SBF1: variants seen among roughly 807,000 people sequenced by gnomAD.
SBF1 encodes myotubularin-related protein 5.
Under a neutral mutation model 215.8 loss-of-function variants are expected in SBF1, and 65 were observed. The observed-to-expected ratio is 0.30, with a 90% CI of 0.25 to 0.37. The LOEUF (loss-of-function observed/expected upper bound fraction) is 0.37, where lower values mean the gene tolerates loss of function less well. Ranked by LOEUF, SBF1 falls within the 10% of genes least tolerant of loss-of-function variation. The probability of loss-of-function intolerance (pLI) is 1.00; values close to 1 mark genes in which losing one functional copy is unlikely to be tolerated. For synonymous variants in SBF1, 1,410 were observed against 1,122.8 expected, an observed-to-expected ratio of 1.26 and a Z score of -5.11; for missense variants, 2,634 against 2,667.8, an observed-to-expected ratio of 0.99 and a Z score of 0.28.
intron 2 of SBF1, 83 bp downstream of exon 2, chr22:50,468,293 C>A (rs928072146): frequency 2.3e-6 from 3 of 1,310,688 alleles, no homozygotes; most frequent in South Asian, 2.5e-5. Flanking sequence ...ACTGTGGAGG[C>A]CCCTCAGTCA....
At position 50,460,026 on chromosome 22, in the gene SBF1, G is replaced by A. The variant is rs772746655; in HGVS notation, c.3417C>T (p.Ser1139=). The A allele has an allele frequency of 6.2e-7, 1 of 1,614,006 alleles. No individual in the cohort carries two copies. The highest frequency in any genetic ancestry group is 2.2e-5 in the East Asian group (1 of 44,884). The change falls in exon 26 of 41, where the codon AGC becomes AGT. Residue 1139 remains serine, a synonymous_variant. Transcript: ENST00000380817. Reference sequence around the variant, plus strand: ...CAGACTTGGCCCGGCTCAGGCTGCTGCTCAGGGTGCCCAGACCGAGGCGCT... The same window carrying A: ...CAGACTTGGCCCGGCTCAGGCTGCTACTCAGGGTGCCCAGACCGAGGCGCT... ...DYQRLGLGTL[S]SSLSRAKSEP...
intron 28 of SBF1, among the ~76,000 whole-genome samples, 183 bp downstream of exon 28, chr22:50,459,055 CTGGTCTGGGCACACACT>C (rs1033446924): frequency 6.6e-6 from 1 of 152,182 alleles, no homozygotes; most frequent in East Asian, 1.9e-4. Context: ...GGGCACACAC[CTGGTCTGGGCACACACT>C]TGGTCTGGAC....
intron 36 of SBF1, among the ~76,000 whole-genome samples, chr22:50,453,743 C>T (rs956706903): frequency 3.9e-5 from 6 of 151,982 alleles, no homozygotes; most frequent in African/African-American, 1.2e-4. Context: ...GCGGAGATCG[C>T]GCCACTACAC....
chr22:50,471,861 G>C (rs2068007919), intron 1 of SBF1, among the ~76,000 whole-genome samples: 1 of 152,202 alleles, frequency 6.6e-6, no homozygotes, highest in African/African-American at 2.4e-5. Flanking sequence ...AATGCAGCCA[G>C]CACATCACAG....
Position 50,454,750 on chromosome 22 carries a change from T to C in SBF1, c.4813-8A>G, listed in dbSNP as rs930708287. The C allele has an allele frequency of 6.3e-7, 1 of 1,586,444 alleles. No individual in the cohort carries two copies. ...GCTGTAGGGCCGCAGGACCTGAGGG[T>C]GGGCCTGTGGTTGAGGACCTGGGTC... On this transcript the variant is annotated splice_region_variant and splice_polypyrimidine_tract_variant and intron_variant, in intron 35 of 40. Coordinates refer to ENST00000380817, the MANE Select transcript of SBF1 (RefSeq NM_002972.4).
intron 28 of SBF1, 70 bp downstream of exon 28, chr22:50,459,185 C>A: frequency 6.5e-7 from 1 of 1,534,982 alleles, no homozygotes; most frequent in Non-Finnish European, 8.8e-7. Context: ...GGCCTGCCTG[C>A]CAAACCATAA....
chr22:50,467,496 C>G (rs1569514067), intron 4 of SBF1, 36 bp downstream of exon 4: 1 of 1,613,746 alleles, frequency 6.2e-7, no homozygotes. Flanking sequence ...TGGAAGCACC[C>G]TCGTCGTGCC....
intron 36 of SBF1, among the ~76,000 whole-genome samples, chr22:50,452,140 T>TAA (rs374473892): frequency 2.7e-5 from 3 of 113,200 alleles, no homozygotes; most frequent in African/African-American, 3.2e-5. Context: ...ACTGCTGAAT[T>TAA]AAAAAAAAAA....
chr22:50,474,081 C>G (rs2068087214), intron 1 of SBF1, among the ~76,000 whole-genome samples: 1 of 152,116 alleles, frequency 6.6e-6, no homozygotes, highest in Admixed American at 6.5e-5. Flanking sequence ...CTCTCAGACA[C>G]GGGCGCTGAC....
At chr22:50,453,655 T>C (rs930091384) in intron 36 of SBF1, among the ~76,000 whole-genome samples, 24 of 152,112 alleles carry the variant, frequency 1.6e-4, no homozygotes, top group Non-Finnish European at 2.8e-4. Context: ...GGCGTGGTGG[T>C]GGGCACCTGT....
chr22:50,467,365 G>A lies in SBF1; in HGVS notation c.522C>T (p.Cys174=), dbSNP rs1257136315. ...GCGAGCCCCCAGCCAGGGGCACAGTGCACGTCAGCAGGTTCCCAATCACGT... is the reference window on the plus strand; with the variant it reads ...GCGAGCCCCCAGCCAGGGGCACAGTACACGTCAGCAGGTTCCCAATCACGT... ...LENVIGNLLT[C]TVPLAGGSQR... Residue 174 remains cysteine (C), a synonymous_variant, in exon 5 of 41, where the codon TGC becomes TGT. Coordinates refer to ENST00000380817, the MANE Select transcript of SBF1 (RefSeq NM_002972.4). The A allele has an allele frequency of 1.5e-5, 24 of 1,614,116 alleles. No individual in the cohort carries two copies. Among genetic ancestry groups the A allele is most frequent in the Non-Finnish European group, 1.9e-5 (23 of 1,180,004 alleles).
rs967231088 is a variant in SBF1, at chr22:50,465,688, G to A, written c.1089+75C>T. ...CCAGCCTGGGGGTGGGGCCCTGTGT[G>A]TCAGTGGCAGCAGACCTGAGTGGGG... On this transcript the variant is annotated intron_variant, in intron 10 of 40. Transcript: ENST00000380817. 2.9e-6 allele frequency: 4 copies of A among 1,370,754 alleles called. No individual in the cohort carries two copies. In the African/African-American group the frequency reaches 4.4e-5, roughly 15 times the overall value. The allele number at this position is 1,370,754 out of a possible 1,614,324, so 84.9% of individuals were successfully genotyped here. A position where few individuals can be genotyped will look rare whatever the true frequency, so the allele number is the denominator to read the frequency against.
rs1473194564 is a variant in SBF1, at chr22:50,461,254, C to T, written c.2872G>A (p.Val958Met). 1.9e-6 allele frequency: 3 copies of T among 1,613,096 alleles called. No homozygotes were observed. Residue 958 changes from valine (V) to methionine (M), a missense_variant, in exon 23 of 41, where the codon GTG (valine) becomes ATG (methionine). Coordinates refer to ENST00000380817, the MANE Select transcript of SBF1 (RefSeq NM_002972.4). Reference sequence around the variant, plus strand: ...CGCTTCTCCTTGGTCAGCGCAGCCACCGGGAAGGAGCGGACCACCACCTGC... The same window carrying T: ...CGCTTCTCCTTGGTCAGCGCAGCCATCGGGAAGGAGCGGACCACCACCTGC... Reference protein sequence around the residue: ...GEQVVVRSFPVAALTKEKRIS... With the variant: ...GEQVVVRSFPMAALTKEKRIS...
In SBF1 at chr22:50,459,155, C is replaced by T. The variant is rs950337563; in HGVS notation, c.3826+100G>A. ...CCCACACCCAAACATCCATGACCAGCGCCGTTTCTGCTCCTCCCTGGCCTG... is the reference window on the plus strand; with the variant it reads ...CCCACACCCAAACATCCATGACCAGTGCCGTTTCTGCTCCTCCCTGGCCTG... On this transcript the variant is annotated intron_variant, in intron 28 of 40. Coordinates refer to ENST00000380817, the MANE Select transcript of SBF1 (RefSeq NM_002972.4). 18 of 1,452,472 alleles carry T rather than the reference C, an allele frequency of 1.2e-5. No homozygotes were observed. The Admixed American group carries it at 1.7e-4, about 13-fold the overall frequency. The allele number at this position is 1,452,472 out of a possible 1,614,324, so 90.0% of individuals were successfully genotyped here.
At position 50,457,916 on chromosome 22, in the gene SBF1, G is replaced by A. The variant is rs188615391; in HGVS notation, c.3827-805C>T. ...CCCAACACGCCCTGTGTCCTCTGAC[G>A]GCTGCCACACTGCAGGCGCCCAGCT... On this transcript the variant is annotated intron_variant, in intron 28 of 40. Transcript: ENST00000380817. Among the ~76,000 whole-genome samples, 315 of 152,332 alleles carry A rather than the reference G, an allele frequency of 2.1e-3. 1 individual carries two copies. Among genetic ancestry groups the A allele is most frequent in the African/African-American group, 7.1e-3 (294 of 41,574 alleles).
intron 1 of SBF1, among the ~76,000 whole-genome samples, chr22:50,469,236 C>T (rs2067907178): frequency 6.6e-6 from 1 of 152,236 alleles, no homozygotes; most frequent in Admixed American, 6.5e-5. Flanking sequence ...GGCCTGCTCC[C>T]TGTCTCCAAA....
intron 28 of SBF1, chr22:50,457,433 T>G: frequency 3.3e-6 from 1 of 302,514 alleles, no homozygotes; most frequent in Non-Finnish European, 6.1e-6. Flanking sequence ...TCCCTCCACA[T>G]CCTGGCCCTT....
intron 5 of SBF1, 73 bp from the exon 6 acceptor site, chr22:50,466,783 C>G: frequency 2.8e-6 from 3 of 1,082,998 alleles, no homozygotes; most frequent in East Asian, 2.7e-5. Flanking sequence ...AGCTCTGTGT[C>G]CCCAGGCAGA....
At chr22:50,449,847 A>G (rs2066980517) in intron 36 of SBF1, among the ~76,000 whole-genome samples, 1 of 152,170 alleles carries the variant, frequency 6.6e-6, no homozygotes, top group Admixed American at 6.5e-5. Flanking sequence ...CTCCCTCCAT[A>G]TGCAAATGAT....
Sources: gnomAD v4.1 joint callset for allele counts (sites outside exome capture counted in the v4.1 genomes callset) on GRCh38, gnomAD v4.1.1 for gene constraint, MANE v1.5 for transcripts, NCBI Gene and HGNC (gene_info 2026-07-23, HGNC 2026-07-21) for gene names.